CTIF: variants seen among roughly 807,000 people sequenced by gnomAD.
CTIF encodes CBP80/20-dependent translation initiation factor.
CTIF carries 21 observed loss-of-function variants against 66.0 expected under a neutral mutation model. That is an observed-to-expected ratio of 0.32 (90% CI 0.23 to 0.46). The LOEUF is 0.46. Ranked by LOEUF, CTIF falls within the 20% of genes least tolerant of loss-of-function variation. The pLI is 1.00. For synonymous variants in CTIF, 345 were observed against 326.4 expected, an observed-to-expected ratio of 1.06 and a Z score of -0.62; for missense variants, 739 against 812.7, an observed-to-expected ratio of 0.91 and a Z score of 1.10.
At chr18:48,641,944 G>T (rs1358434066) in intron 3 of CTIF, among the ~76,000 whole-genome samples, 1 of 152,208 alleles carries the variant, frequency 6.6e-6, no homozygotes, top group African/African-American at 2.4e-5. Flanking sequence ...TCTGGCCCCA[G>T]AAAAAGATGG....
In CTIF at chr18:48,581,930, C is replaced by T. The variant is rs568266876; in HGVS notation, c.-28-37608C>T. The stretch of plus-strand genomic sequence containing the variant: ...GAAGGGGAGGTCATATGGGCCAAAG[C>T]GGGGCAGACCTTCTGTCTGAGGAGA... On this transcript the variant is annotated intron_variant, in intron 1 of 11. Transcript: ENST00000256413. Among the ~76,000 whole-genome samples the T allele has an allele frequency of 2.4e-4, 37 of 152,038 alleles. 1 individual carries two copies. In the South Asian group the frequency reaches 7.1e-3, roughly 29 times the overall value.
intron 1 of CTIF, among the ~76,000 whole-genome samples, chr18:48,581,495 C>A (rs1237468308): frequency 6.6e-6 from 1 of 152,174 alleles, no homozygotes; most frequent in Non-Finnish European, 1.5e-5. Flanking sequence ...TGTGTCCCTG[C>A]AGAGTCTCTT....
rs143431042 is a variant in CTIF, at chr18:48,663,665, C to T, written c.253-87C>T. The T allele has an allele frequency of 3.2e-6, 4 of 1,239,476 alleles. No individual in the cohort carries two copies. The South Asian group carries it at 4.9e-5, about 15-fold the overall frequency. 76.8% of individuals were successfully genotyped at this position (1,239,476 alleles called of 1,614,324 possible). On this transcript the variant is annotated intron_variant, in intron 3 of 11. Transcript: ENST00000256413. ...ATACTCACTTGGGGGCTCACTCCAG[C>T]CCCCCAGCCCCTCAGGCCCTGGCCC...
chr18:48,737,459 C>T (rs185106752), intron 7 of CTIF, among the ~76,000 whole-genome samples: 15 of 152,332 alleles, frequency 9.8e-5, no homozygotes, highest in African/African-American at 3.6e-4. Context: ...GGGCTCTTTG[C>T]CCCTTACCCA....
chr18:48,755,293 C>G (rs1425481739), intron 7 of CTIF, among the ~76,000 whole-genome samples: 1 of 152,180 alleles, frequency 6.6e-6, no homozygotes, highest in Non-Finnish European at 1.5e-5. Context: ...AGGGAGAATT[C>G]ACAAAAAGTC....
At chr18:48,585,314 G>C (rs746336750) in intron 1 of CTIF, among the ~76,000 whole-genome samples, 1 of 152,242 alleles carries the variant, frequency 6.6e-6, no homozygotes, top group Non-Finnish European at 1.5e-5. Flanking sequence ...GGATATTGAC[G>C]ACAAAACATT....
chr18:48,708,279 T>C (rs979179730), intron 6 of CTIF, among the ~76,000 whole-genome samples: 1 of 152,228 alleles, frequency 6.6e-6, no homozygotes, highest in African/African-American at 2.4e-5. Context: ...GTACAGACTT[T>C]CTCCTTTCTT....
At chr18:48,644,279 T>A (rs1490254945) in intron 3 of CTIF, among the ~76,000 whole-genome samples, 2 of 152,262 alleles carry the variant, frequency 1.3e-5, no homozygotes, top group Non-Finnish European at 2.9e-5. Context: ...CACTGGGCAC[T>A]GGGATGGTGA....
chr18:48,855,519 C>G (rs16950041), intron 10 of CTIF, among the ~76,000 whole-genome samples: 6,455 of 152,294 alleles, frequency 0.042, 456 homozygotes, highest in African/African-American at 0.15. Context: ...ACCTGGATCC[C>G]TGTGACTAGG....
At chr18:48,613,242 G>A (rs1433727909) in intron 1 of CTIF, among the ~76,000 whole-genome samples, 1 of 152,154 alleles carries the variant, frequency 6.6e-6, no homozygotes, top group East Asian at 1.9e-4. Flanking sequence ...ATTGTCTCTA[G>A]CCTGTGGGTG....
At chr18:48,828,951 C>T (rs116164258) in intron 10 of CTIF, among the ~76,000 whole-genome samples, 1,624 of 152,332 alleles carry the variant, frequency 0.011, 21 homozygotes, top group African/African-American at 0.034. Flanking sequence ...TCTCCTGGGG[C>T]CATGCCTTGT....
At chr18:48,603,399 GTGAATGAGTGGATT>G (rs1568065273) in intron 1 of CTIF, among the ~76,000 whole-genome samples, 1 of 68,118 alleles carries the variant, frequency 1.5e-5, no homozygotes, top group African/African-American at 1.2e-4. Flanking sequence ...GGATGGATAT[GTGAATGAGTGGATT>G]GATGGATGGA....
intron 7 of CTIF, among the ~76,000 whole-genome samples, chr18:48,720,237 C>T (rs1258062244): frequency 3.3e-5 from 5 of 152,132 alleles, no homozygotes; most frequent in East Asian, 1.9e-4. Flanking sequence ...TTATCTTGTT[C>T]GTGTGTGGTG....
intron 1 of CTIF, among the ~76,000 whole-genome samples, chr18:48,548,405 G>A (rs972215072): frequency 2.0e-5 from 3 of 152,256 alleles, no homozygotes; most frequent in Non-Finnish European, 2.9e-5. Context: ...GTGTTTACAA[G>A]CAAAGTATTT....
At chr18:48,597,953 G>A (rs898108565) in intron 1 of CTIF, among the ~76,000 whole-genome samples, 1 of 152,218 alleles carries the variant, frequency 6.6e-6, no homozygotes, top group African/African-American at 2.4e-5. Flanking sequence ...GCAGGGGACG[G>A]ATCTCTGCCT....
At chr18:48,792,021 G>A (rs1228756018) in intron 9 of CTIF, among the ~76,000 whole-genome samples, 1 of 152,238 alleles carries the variant, frequency 6.6e-6, no homozygotes, top group African/African-American at 2.4e-5. Flanking sequence ...TGCCCTCATG[G>A]AGCTTACATT....
At chr18:48,815,844 C>CT (rs147757020) in intron 9 of CTIF, among the ~76,000 whole-genome samples, 4,021 of 152,326 alleles carry the variant, frequency 0.026, 165 homozygotes, top group African/African-American at 0.092. Context: ...ATTCTACAAC[C>CT]TGTCTTCCCA....
chr18:48,658,982 A>G (rs1190867005), intron 3 of CTIF, among the ~76,000 whole-genome samples: 2 of 152,112 alleles, frequency 1.3e-5, no homozygotes, highest in African/African-American at 4.8e-5. Context: ...CTGGGCCACC[A>G]CCTCAGCATC....
intron 1 of CTIF, among the ~76,000 whole-genome samples, chr18:48,608,529 G>C (rs1414074183): frequency 6.6e-6 from 1 of 152,164 alleles, no homozygotes; most frequent in South Asian, 2.1e-4. Context: ...GTGAGTGGCT[G>C]CTATGAGCAT....
Sources: gnomAD v4.1 joint callset for allele counts (sites outside exome capture counted in the v4.1 genomes callset) on GRCh38, gnomAD v4.1.1 for gene constraint, MANE v1.5 for transcripts, NCBI Gene and HGNC (gene_info 2026-07-23, HGNC 2026-07-21) for gene names.